Variants in TLR3 observed in about 807,000 individuals in gnomAD.
The protein encoded by TLR3 is toll-like receptor 3.
Under a neutral mutation model 66.4 loss-of-function variants are expected in TLR3, and 43 were observed. That is an observed-to-expected ratio of 0.65 (90% CI 0.51 to 0.83). The LOEUF (loss-of-function observed/expected upper bound fraction) is 0.83, where lower values mean the gene tolerates loss of function less well. Among genes scored for constraint, TLR3 ranks in the 40% least tolerant of loss-of-function variants. TLR3 has a pLI of 0.00. For missense variants in TLR3, 982 were observed against 1,044.6 expected (o/e 0.94, Z 0.83); for synonymous variants, 397 against 397.2 (o/e 1.00, Z 0.01).
rs779727082 is a variant in TLR3 at position 186,082,858 on chromosome 4, C to T, written c.1172C>T (p.Thr391Ile). ...LKYLSLSNSF[T>I]SLRTLTNETF... The stretch of plus-strand genomic sequence containing the variant: ...TACTTAAGTCTATCCAACTCCTTTA[C>T]AAGTTTGCGAACTTTGACAAATGAA... The change falls in exon 4 of 5, where the codon ACA (threonine) becomes ATA (isoleucine). Residue 391 changes from threonine to isoleucine, a missense_variant. This residue lies in a region of TLR3 where 666 missense variants were observed against 709.0 expected (regional missense o/e 0.94). Coordinates refer to ENST00000296795, the MANE Select transcript of TLR3 (RefSeq NM_003265.3). 7 of 1,613,666 alleles carry T rather than the reference C, an allele frequency of 4.3e-6. No homozygotes were observed. Among genetic ancestry groups the T allele is most frequent in the Middle Eastern group, 1.7e-4 (1 of 6,060 alleles).
At position 186,077,617 on chromosome 4, in the gene TLR3, G is replaced by A. The variant is rs1262666900; in HGVS notation, c.441+557G>A. ...AGTTTTTTTTCTTTTCTTTTTAGTTGATGTTTAATAATTGCACATATTTAT... is the reference window on the plus strand; with the variant it reads ...AGTTTTTTTTCTTTTCTTTTTAGTTAATGTTTAATAATTGCACATATTTAT... On this transcript the variant is annotated intron_variant, in intron 2 of 4. Coordinates refer to ENST00000296795, the MANE Select transcript of TLR3 (RefSeq NM_003265.3). Among the ~76,000 whole-genome samples, 3 of 151,230 alleles carry A rather than the reference G, an allele frequency of 2.0e-5. No individual in the cohort carries two copies. In the South Asian group the frequency reaches 6.3e-4, roughly 32 times the overall value.
chr4:186,076,371 G>T (rs1364182175), intron 1 of TLR3, among the ~76,000 whole-genome samples: 1 of 152,128 alleles, frequency 6.6e-6, no homozygotes, highest in Admixed American at 6.6e-5. Context: ...GCTGCAACTG[G>T]CATTAAGGTG....
Position 186,085,125 on chromosome 4 carries a change from A to C in TLR3, c.*252A>C. 2.0e-6 allele frequency: 1 copy of C among 489,522 alleles called. No homozygotes were observed. The allele number at this position is 489,522 out of a possible 1,614,324, so 30.3% of individuals were successfully genotyped here. On this transcript the variant is annotated 3_prime_UTR_variant, in exon 5 of 5. Transcript: ENST00000296795. ...AACATTGTCTACTGATTAATATACAATCAGCCACTGAGCCTATGACAGCTT... is the reference window on the plus strand; with the variant it reads ...AACATTGTCTACTGATTAATATACACTCAGCCACTGAGCCTATGACAGCTT...
chr4:186,078,720 T>A, intron 2 of TLR3, 120 bp from the exon 3 acceptor site: 1 of 778,494 alleles, frequency 1.3e-6, no homozygotes, highest in Admixed American at 2.4e-5. Flanking sequence ...GTTAGTATTC[T>A]ACAGAATAAT....
In TLR3 at chr4:186,083,459, C is replaced by T. The variant is rs757517639; in HGVS notation, c.1773C>T (p.Ile591=). ...AGGATTTATTTGAACTAAAGATCAT[C>T]GATTTAGGATTGAATAATTTAAACA... The part of the protein sequence containing the change: ...VFKDLFELKI[I]DLGLNNLNTL... Residue 591 remains isoleucine, a synonymous_variant, in exon 4 of 5, where the codon ATC becomes ATT. Coordinates refer to ENST00000296795, the MANE Select transcript of TLR3 (RefSeq NM_003265.3). The surrounding 1 kb of genome is among the most constrained non-coding windows in gnomAD (Gnocchi z 4.0). The T allele has an allele frequency of 6.2e-6, 10 of 1,610,876 alleles. No homozygotes were observed. In the East Asian group the frequency reaches 1.3e-4, roughly 22 times the overall value.
At chr4:186,081,724 G>A (rs2099303502) in intron 3 of TLR3, 1 of 153,884 alleles carries the variant, frequency 6.5e-6, no homozygotes, top group South Asian at 2.0e-4. Context: ...TCCTGGACTG[G>A]AAGGTCAGAG....
In TLR3 at chr4:186,076,639, G is replaced by C. The variant is rs2099302500; in HGVS notation, c.20G>C (p.Cys7Ser). 3.7e-6 allele frequency: 6 copies of C among 1,613,986 alleles called. No individual in the cohort carries two copies. Among genetic ancestry groups the C allele is most frequent in the Non-Finnish European group, 5.1e-6 (6 of 1,180,026 alleles). MRQTLP[C>S]IYFWGGLLPF... ...AGAATCATGAGACAGACTTTGCCTT[G>C]TATCTACTTTTGGGGGGGCCTTTTG... Residue 7 changes from cysteine to serine, a missense_variant, in exon 2 of 5, where the codon TGT becomes TCT. This residue lies in a region of TLR3 where 313 missense variants were observed against 319.0 expected (regional missense o/e 0.98). Coordinates refer to ENST00000296795, the MANE Select transcript of TLR3 (RefSeq NM_003265.3).
At chr4:186,072,358 C>A (rs890454485) in intron 1 of TLR3, among the ~76,000 whole-genome samples, 5 of 152,160 alleles carry the variant, frequency 3.3e-5, no homozygotes, top group African/African-American at 1.2e-4. Flanking sequence ...GTCACCCAGG[C>A]TGGAGTGCAT....
At chr4:186,078,739 G>A in intron 2 of TLR3, 101 bp from the exon 3 acceptor site, 1 of 925,132 alleles carries the variant, frequency 1.1e-6, no homozygotes, top group Non-Finnish European at 1.7e-6. Context: ...ATAGAGAGGT[G>A]TTGATTTTGC....
chr4:186,082,934 G>T lies in TLR3; in HGVS notation c.1248G>T (p.Lys416Asn), dbSNP rs764170743. The T allele has an allele frequency of 6.2e-7, 1 of 1,614,124 alleles. No homozygotes were observed. Among genetic ancestry groups the T allele is most frequent in the South Asian group, 1.1e-5 (1 of 91,080 alleles). Residue 416 changes from lysine to asparagine, a missense_variant, in exon 4 of 5, where the codon AAG (lysine) becomes AAT (asparagine). By Grantham distance (94) the Lys-to-Asn change is moderately conservative. Transcript: ENST00000296795. ...CCTTACACATACTCAACCTAACCAA[G>T]AATAAAATCTCAAAAATAGAGAGTG... ...HSPLHILNLT[K>N]NKISKIESDA...
rs544355288 is a variant in TLR3, at chr4:186,079,715, C to T, written c.633+684C>T. Among the ~76,000 whole-genome samples the T allele has an allele frequency of 1.2e-4, 19 of 152,290 alleles. No individual in the cohort carries two copies. In the East Asian group the frequency reaches 3.3e-3, roughly 26 times the overall value. ...CACGGGAGAGCAACAACTATCTGGA[C>T]CGGTGGCACAGGGGTAAAAGAATTT... On this transcript the variant is annotated intron_variant, in intron 3 of 4. Coordinates refer to ENST00000296795, the MANE Select transcript of TLR3 (RefSeq NM_003265.3).
chr4:186,085,029 TCTC>T lies in TLR3; in HGVS notation c.*159_*161del, dbSNP rs2099304143. On this transcript the variant is annotated 3_prime_UTR_variant, in exon 5 of 5. Coordinates refer to ENST00000296795, the MANE Select transcript of TLR3 (RefSeq NM_003265.3). ...ATTACATCTCTTCTAGGAAAATGTGTCTCCTTATTTCAGGCCTATTTTTGACAA... is the reference window on the plus strand; with the variant it reads ...ATTACATCTCTTCTAGGAAAATGTGTCTTATTTCAGGCCTATTTTTGACAA... 2 of 671,386 alleles carry T rather than the reference TCTC, an allele frequency of 3.0e-6. No individual in the cohort carries two copies. Among genetic ancestry groups the T allele is most frequent in the Non-Finnish European group, 5.0e-6 (2 of 398,012 alleles). The allele number at this position is 671,386 out of a possible 1,614,324, so 41.6% of individuals were successfully genotyped here.
chr4:186,082,483 C>T lies in TLR3; in HGVS notation c.797C>T (p.Thr266Ile). ...SNSQLSTTSNTTFLGLKWTNL... is the reference protein window; with the variant it reads ...SNSQLSTTSNITFLGLKWTNL... ...AGCCAGCTGTCCACCACCAGCAATACAACTTTCTTGGGACTAAAGTGGACA... is the reference window on the plus strand; with the variant it reads ...AGCCAGCTGTCCACCACCAGCAATATAACTTTCTTGGGACTAAAGTGGACA... The change falls in exon 4 of 5, where the codon ACA becomes ATA. Residue 266 changes from threonine to isoleucine, a missense_variant. Physicochemically the swap from Thr to Ile is moderately conservative, Grantham distance 89. Around this residue, in one of 3 missense-constraint regions of TLR3, gnomAD observed 313 missense variants for 319.0 expected, o/e 0.98. Coordinates refer to ENST00000296795, the MANE Select transcript of TLR3 (RefSeq NM_003265.3). 2 of 1,614,168 alleles carry T rather than the reference C, an allele frequency of 1.2e-6. No individual in the cohort carries two copies. The highest frequency in any genetic ancestry group is 1.7e-6 in the Non-Finnish European group (2 of 1,180,036).
intron 1 of TLR3, among the ~76,000 whole-genome samples, chr4:186,069,848 C>T (rs1263485464): frequency 6.6e-6 from 1 of 152,118 alleles, no homozygotes; most frequent in Non-Finnish European, 1.5e-5. Flanking sequence ...TTGTGGGGTA[C>T]TCGGGTAAAA....
chr4:186,070,730 G>T (rs1241589333), intron 1 of TLR3, among the ~76,000 whole-genome samples: 1 of 152,064 alleles, frequency 6.6e-6, no homozygotes, highest in Non-Finnish European at 1.5e-5. Flanking sequence ...TAGAGGTAAG[G>T]TCTTGCTCTG....
chr4:186,083,815 C>T lies in TLR3; in HGVS notation c.2129C>T (p.Thr710Ile), dbSNP rs371358596. 6.2e-7 allele frequency: 1 copy of T among 1,613,990 alleles called. No homozygotes were observed. The highest frequency in any genetic ancestry group is 1.3e-5 in the African/African-American group (1 of 75,024). ...APFELFFMIN[T>I]SILLIFIFIV... ...TTTGAACTCTTTTTCATGATCAATA[C>T]CAGTATCCTGTTGATTTTTATCTTT... is the stretch of plus-strand genomic sequence containing the variant. Residue 710 changes from threonine to isoleucine, a missense_variant, in exon 4 of 5, where the codon ACC becomes ATC. By Grantham distance (89) the Thr-to-Ile change is moderately conservative. Around this residue, in one of 3 missense-constraint regions of TLR3, gnomAD observed 666 missense variants for 709.0 expected, o/e 0.94. Transcript: ENST00000296795. The surrounding 1 kb of genome is among the most constrained non-coding windows in gnomAD (Gnocchi z 4.0).
intron 1 of TLR3, among the ~76,000 whole-genome samples, chr4:186,069,890 G>A (rs574930011): frequency 6.6e-6 from 1 of 152,318 alleles, no homozygotes; most frequent in South Asian, 2.1e-4. Context: ...TGATTCCCAG[G>A]TTTACAGATG....
At position 186,087,890 on chromosome 4, in the gene TLR3, CA is replaced by C. The variant is rs1210795954; in HGVS notation, c.*3020del. On this transcript the variant is annotated 3_prime_UTR_variant, in exon 5 of 5. Coordinates refer to ENST00000296795, the MANE Select transcript of TLR3 (RefSeq NM_003265.3). ...TAGGAACAGGAATGGGGAGTGGCTG[CA>C]AATAGGTGGAAGAGACCTTTTTTGG... The C allele has an allele frequency of 1.3e-5, 2 of 152,024 alleles. No homozygotes were observed. The highest frequency in any genetic ancestry group is 2.9e-5 in the Non-Finnish European group (2 of 68,028). The allele number at this position is 152,024 out of a possible 1,614,324, so 9.4% of individuals were successfully genotyped here. A position where few individuals can be genotyped will look rare whatever the true frequency, so the allele number is the denominator to read the frequency against.
rs1384143477 is a variant in TLR3, at chr4:186,084,300, A to G, written c.2486+128A>G. 4.2e-6 allele frequency: 4 copies of G among 947,460 alleles called. No homozygotes were observed. The African/African-American group carries it at 6.7e-5, about 16-fold the overall frequency. The allele number at this position is 947,460 out of a possible 1,614,324, so 58.7% of individuals were successfully genotyped here. A position where few individuals can be genotyped will look rare whatever the true frequency, so the allele number is the denominator to read the frequency against. Reference sequence around the variant, plus strand: ...CAGTGGTGTGATCTCAGCTTACTGCAGCCTCCACCTCCTGGGTTCAAGTAA... The same window carrying G: ...CAGTGGTGTGATCTCAGCTTACTGCGGCCTCCACCTCCTGGGTTCAAGTAA... On this transcript the variant is annotated intron_variant, in intron 4 of 4. Coordinates refer to ENST00000296795, the MANE Select transcript of TLR3 (RefSeq NM_003265.3).
Sources: allele counts gnomAD v4.1 joint callset (sites outside exome capture counted in the v4.1 genomes callset), GRCh38; gene constraint gnomAD v4.1.1; regional missense constraint gnomAD v4.1.1; non-coding constraint Gnocchi (gnomAD v3.1); transcripts MANE v1.5; gene names NCBI Gene and HGNC (gene_info 2026-07-23, HGNC 2026-07-21).